The following TNIK variants were observed in gnomAD, a reference collection of about 807,000 sequenced individuals.
TNIK encodes the protein TRAF2 and NCK interacting kinase.
Under a neutral mutation model 191.3 loss-of-function variants are expected in TNIK, and 49 were observed. The ratio of observed to expected loss-of-function variants is 0.26; its 90% CI spans 0.20 to 0.32. The LOEUF (loss-of-function observed/expected upper bound fraction) is 0.32. Among genes scored for constraint, TNIK ranks in the 10% least tolerant of loss-of-function variants. The pLI is 1.00. For synonymous variants in TNIK, 594 were observed against 600.9 expected (o/e 0.99, Z 0.17); for missense variants, 1,155 against 1,702.3 (o/e 0.68, Z 5.66).
chr3:171,287,116 G>A (rs373539758), intron 2 of TNIK, among the ~76,000 whole-genome samples: 105 of 152,222 alleles, frequency 6.9e-4, no homozygotes, highest in African/African-American at 2.4e-3. Context: ...ACAGTCCTCA[G>A]GGCAAGTTCA....
At chr3:171,376,746 T>A (rs1717280789) in intron 1 of TNIK, among the ~76,000 whole-genome samples, 1 of 148,672 alleles carries the variant, frequency 6.7e-6, no homozygotes, top group Non-Finnish European at 1.5e-5. Flanking sequence ...GATAGATAGA[T>A]GATAGATAGA....
chr3:171,412,569 G>C (rs1722546628), intron 1 of TNIK, among the ~76,000 whole-genome samples: 1 of 152,136 alleles, frequency 6.6e-6, no homozygotes. Flanking sequence ...TACAGATGAG[G>C]AAAATGAGAC....
chr3:171,209,552 C>G (rs1175179985), intron 4 of TNIK, among the ~76,000 whole-genome samples: 3 of 152,038 alleles, frequency 2.0e-5, no homozygotes, highest in Non-Finnish European at 2.9e-5. Flanking sequence ...ATATATCTCT[C>G]TTTAGGATTA....
At chr3:171,116,873 A>G (rs1030263264) in intron 18 of TNIK, among the ~76,000 whole-genome samples, 1 of 152,258 alleles carries the variant, frequency 6.6e-6, no homozygotes, top group Non-Finnish European at 1.5e-5. Context: ...TCACCTTCAC[A>G]GCATGAGGCA....
At chr3:171,365,324 A>G (rs1286440190) in intron 2 of TNIK, among the ~76,000 whole-genome samples, 3 of 151,676 alleles carry the variant, frequency 2.0e-5, no homozygotes, top group Non-Finnish European at 2.9e-5. Context: ...CTGGGATTAC[A>G]GGCATGTGCC....
At chr3:171,255,846 GTTTCTCTAC>G (rs1299013957) in intron 2 of TNIK, among the ~76,000 whole-genome samples, 3 of 152,134 alleles carry the variant, frequency 2.0e-5, no homozygotes, top group Non-Finnish European at 4.4e-5. Context: ...TGCCACAACA[GTTTCTCTAC>G]TTTCTAGGCC....
chr3:171,402,917 CCCAG>C (rs1185298053), intron 1 of TNIK, among the ~76,000 whole-genome samples: 1 of 152,142 alleles, frequency 6.6e-6, no homozygotes, highest in Non-Finnish European at 1.5e-5. Context: ...AATTATTTTG[CCCAG>C]CCAAAGTATT....
chr3:171,383,496 C>T (rs1162693291), intron 1 of TNIK, among the ~76,000 whole-genome samples: 2 of 152,182 alleles, frequency 1.3e-5, no homozygotes, highest in Non-Finnish European at 2.9e-5. Context: ...TGGTTATTCA[C>T]ACAAAGAAAA....
chr3:171,196,968 G>C (rs969583826), intron 4 of TNIK, among the ~76,000 whole-genome samples: 2 of 152,148 alleles, frequency 1.3e-5, no homozygotes, highest in African/African-American at 4.8e-5. Flanking sequence ...TGTTAGCCGG[G>C]ATGGTCTCGA....
intron 2 of TNIK, among the ~76,000 whole-genome samples, chr3:171,315,121 G>A (rs1754464717): frequency 6.6e-6 from 1 of 152,166 alleles, no homozygotes; most frequent in Non-Finnish European, 1.5e-5. Flanking sequence ...GGTAGGAGAT[G>A]TGAGGACTAA....
At chr3:171,212,201 G>A (rs1740916627) in intron 3 of TNIK, among the ~76,000 whole-genome samples, 1 of 152,008 alleles carries the variant, frequency 6.6e-6, no homozygotes, top group South Asian at 2.1e-4. Context: ...CGGCTGCACT[G>A]CCTCCTTCCA....
intron 2 of TNIK, among the ~76,000 whole-genome samples, chr3:171,340,566 C>T (rs1757412583): frequency 6.6e-6 from 1 of 152,178 alleles, no homozygotes; most frequent in South Asian, 2.1e-4. Flanking sequence ...TTCTGAAGTG[C>T]CCTGCATCGT....
At chr3:171,070,695 A>T (rs1719077437) in intron 29 of TNIK, among the ~76,000 whole-genome samples, 1 of 148,426 alleles carries the variant, frequency 6.7e-6, no homozygotes, top group Non-Finnish European at 1.5e-5. Context: ...TAGACAAGGT[A>T]AAAAAATGAA....
intron 7 of TNIK, among the ~76,000 whole-genome samples, chr3:171,188,286 A>G (rs1174793122): frequency 6.6e-6 from 1 of 151,898 alleles, no homozygotes; most frequent in Non-Finnish European, 1.5e-5. Context: ...AGCATTGTAG[A>G]AGTAAGTCAG....
chr3:171,396,177 G>A (rs1470553437), intron 1 of TNIK, among the ~76,000 whole-genome samples: 2 of 151,534 alleles, frequency 1.3e-5, no homozygotes, highest in East Asian at 3.9e-4. Context: ...TCTCTGTCCT[G>A]GACATTCCAT....
chr3:171,225,753 A>G (rs1330435371), intron 3 of TNIK: 2 of 395,830 alleles, frequency 5.1e-6, no homozygotes, highest in African/African-American at 4.2e-5. Flanking sequence ...TGAGGCTTTA[A>G]ATTGTTCAGA....
intron 4 of TNIK, among the ~76,000 whole-genome samples, chr3:171,208,554 T>TG (rs1560264212): frequency 5.9e-5 from 7 of 118,854 alleles, no homozygotes; most frequent in East Asian, 4.6e-4. Flanking sequence ...TATTTTATTT[T>TG]TGTGTGTATG....
intron 1 of TNIK, among the ~76,000 whole-genome samples, chr3:171,453,528 A>G (rs1728445479): frequency 6.6e-6 from 1 of 152,180 alleles, no homozygotes; most frequent in South Asian, 2.1e-4. Flanking sequence ...CGCTGGTCTT[A>G]ACATGCTAAA....
intron 12 of TNIK, among the ~76,000 whole-genome samples, chr3:171,156,726 C>T (rs2108709503): frequency 6.6e-6 from 1 of 152,320 alleles, no homozygotes; most frequent in South Asian, 2.1e-4. Context: ...GCTTCCCACA[C>T]AGATAAGCAG....
Sources: allele counts gnomAD v4.1 joint callset (sites outside exome capture counted in the v4.1 genomes callset), GRCh38; gene constraint gnomAD v4.1.1; transcripts MANE v1.5; gene names NCBI Gene and HGNC (gene_info 2026-07-23, HGNC 2026-07-21).